The following ANK3 variants were observed in gnomAD, a reference collection of about 807,000 sequenced individuals.
ANK3 encodes ankyrin 3.
ANK3 carries 57 observed loss-of-function variants against 370.9 expected under a neutral mutation model. The ratio of observed to expected loss-of-function variants is 0.15; its 90% CI spans 0.12 to 0.19. The LOEUF (loss-of-function observed/expected upper bound fraction) is 0.19, where lower values mean the gene tolerates loss of function less well. Ranked by LOEUF, ANK3 falls within the 10% of genes least tolerant of loss-of-function variation. The pLI, the probability that ANK3 is intolerant of heterozygous loss-of-function variation, is 1.00. For missense variants in ANK3, 4,439 were observed against 5,302.1 expected, an observed-to-expected ratio of 0.84 and a Z score of 5.06; for synonymous variants, 1,929 against 1,946.3, an observed-to-expected ratio of 0.99 and a Z score of 0.23.
chr10:60,412,158 G>A (rs185084671), intron 2 of ANK3, among the ~76,000 whole-genome samples: 323 of 152,084 alleles, frequency 2.1e-3, no homozygotes, highest in Non-Finnish European at 3.4e-3. Context: ...AATTTTTTTC[G>A]TCAACTTGAC....
intron 1 of ANK3, among the ~76,000 whole-genome samples, chr10:60,336,346 C>T (rs1474104385): frequency 1.3e-5 from 2 of 152,142 alleles, no homozygotes; most frequent in African/African-American, 4.8e-5. Flanking sequence ...ACCCAGATTT[C>T]ACTTTCTCAT....
intron 26 of ANK3, among the ~76,000 whole-genome samples, chr10:60,111,995 T>C (rs1287159631): frequency 1.3e-5 from 2 of 152,192 alleles, no homozygotes; most frequent in Non-Finnish European, 2.9e-5. Context: ...CAGGTCTATA[T>C]TTTCCTTTTC....
intron 2 of ANK3, among the ~76,000 whole-genome samples, chr10:60,557,079 C>G (rs549598569): frequency 6.6e-6 from 1 of 152,328 alleles, no homozygotes; most frequent in Admixed American, 6.5e-5. Context: ...TTCCACAAAT[C>G]TGGTCACTGG....
intron 11 of ANK3, among the ~76,000 whole-genome samples, chr10:60,203,828 T>C (rs2096720932): frequency 6.6e-6 from 1 of 152,234 alleles, no homozygotes; most frequent in Non-Finnish European, 1.5e-5. Flanking sequence ...AATATGTCCA[T>C]GATTGTGAGA....
At chr10:60,319,970 A>G (rs1196957783) in intron 1 of ANK3, among the ~76,000 whole-genome samples, 1 of 152,152 alleles carries the variant, frequency 6.6e-6, no homozygotes, top group Non-Finnish European at 1.5e-5. Flanking sequence ...AAGGGACCCC[A>G]GTTTCCCTCA....
intron 23 of ANK3, among the ~76,000 whole-genome samples, chr10:60,164,702 G>A (rs1244949877): frequency 6.6e-6 from 1 of 152,074 alleles, no homozygotes; most frequent in Non-Finnish European, 1.5e-5. Context: ...TTGTCCAAAT[G>A]GACTATGCAG....
intron 2 of ANK3, among the ~76,000 whole-genome samples, chr10:60,548,616 C>G (rs2077024303): frequency 6.6e-6 from 1 of 152,058 alleles, no homozygotes; most frequent in Admixed American, 6.6e-5. Context: ...ATTAACATTC[C>G]TCACTTACAG....
At chr10:60,233,558 T>TA (rs1303232370) in intron 8 of ANK3, among the ~76,000 whole-genome samples, 2 of 152,118 alleles carry the variant, frequency 1.3e-5, no homozygotes, top group African/African-American at 4.8e-5. Flanking sequence ...CAGCCTGTTG[T>TA]ACAGCCAAGA....
intron 1 of ANK3, among the ~76,000 whole-genome samples, chr10:60,293,375 G>A (rs1429138875): frequency 6.6e-6 from 1 of 152,120 alleles, no homozygotes; most frequent in Non-Finnish European, 1.5e-5. Context: ...ATAGAGTAAC[G>A]ATTAACTCTT....
intron 1 of ANK3, among the ~76,000 whole-genome samples, chr10:60,314,744 T>C (rs1317058760): frequency 6.6e-6 from 1 of 152,166 alleles, no homozygotes; most frequent in Admixed American, 6.5e-5. Flanking sequence ...CTGGCTCAAG[T>C]TGACAGGTGC....
At chr10:60,702,518 A>G (rs1457130661) in intron 1 of ANK3, among the ~76,000 whole-genome samples, 1 of 152,148 alleles carries the variant, frequency 6.6e-6, no homozygotes, top group Non-Finnish European at 1.5e-5. Flanking sequence ...TGGTGTTACT[A>G]TTCTTTGGGT....
chr10:60,634,783 G>C (rs1005037805), intron 1 of ANK3, among the ~76,000 whole-genome samples: 58 of 149,616 alleles, frequency 3.9e-4, no homozygotes, highest in African/African-American at 1.3e-3. Context: ...CAGCGAGACC[G>C]CGAACCCACC....
intron 2 of ANK3, among the ~76,000 whole-genome samples, chr10:60,499,185 G>A (rs1431065680): frequency 6.6e-6 from 1 of 152,100 alleles, no homozygotes; most frequent in Non-Finnish European, 1.5e-5. Context: ...TAGAGTCCTG[G>A]CTACTTGACA....
intron 25 of ANK3, among the ~76,000 whole-genome samples, chr10:60,122,063 G>A (rs541447604): frequency 3.1e-4 from 47 of 152,330 alleles, no homozygotes; most frequent in African/African-American, 1.1e-3. Flanking sequence ...GCTTGGCTTT[G>A]AAGTTGAGTC....
chr10:60,129,882 C>T (rs1478966157), intron 25 of ANK3, among the ~76,000 whole-genome samples: 1 of 152,154 alleles, frequency 6.6e-6, no homozygotes, highest in Non-Finnish European at 1.5e-5. Flanking sequence ...TTTACATATA[C>T]ATTTTCAAAA....
intron 29 of ANK3, 25 bp from the exon 30 acceptor site, chr10:60,086,909 ATG>A: frequency 6.7e-7 from 1 of 1,481,598 alleles, no homozygotes. Context: ...AGGACTTTAA[ATG>A]AAAGTGACTT....
rs1267278818 is a variant in ANK3, at chr10:60,409,596, G to A, written c.97-129957C>T. ...GAGTCGGGCTCCTTCTGTTTCTGAT[G>A]CAGAACAGCTTGCTTTCCCACTGAA... On this transcript the variant is annotated intron_variant, in intron 2 of 43. Coordinates refer to the ANK3 transcript ENST00000373827. 2.6e-5 allele frequency among the ~76,000 whole-genome samples: 4 copies of A among 152,072 alleles called. No homozygotes were observed. In the South Asian group the frequency reaches 8.3e-4, roughly 32 times the overall value.
chr10:60,449,543 T>G (rs1189702476), intron 2 of ANK3, among the ~76,000 whole-genome samples: 1 of 152,200 alleles, frequency 6.6e-6, no homozygotes, highest in Non-Finnish European at 1.5e-5. Flanking sequence ...AATATTCAGA[T>G]TGTACTTAAG....
chr10:60,505,364 TAAAA>T (rs2075910231), intron 2 of ANK3, among the ~76,000 whole-genome samples: 2 of 152,012 alleles, frequency 1.3e-5, no homozygotes, highest in South Asian at 2.1e-4. Context: ...ACTTGCAGAC[TAAAA>T]AAATTCACTC....
Sources: allele counts gnomAD v4.1 joint callset (sites outside exome capture counted in the v4.1 genomes callset), GRCh38; gene constraint gnomAD v4.1.1; transcripts MANE v1.5; gene names NCBI Gene and HGNC (gene_info 2026-07-23, HGNC 2026-07-21).